AMELX: variants seen among roughly 807,000 people sequenced by gnomAD.
The protein encoded by AMELX is amelogenin X-linked.
Under a neutral mutation model 15.8 loss-of-function variants are expected in AMELX, and 9 were observed. That is an observed-to-expected ratio of 0.57 (90% CI 0.34 to 0.99). AMELX has a LOEUF of 0.99. AMELX is among the 50% of genes least tolerant of loss of function. The pLI is 0.02. For missense variants in AMELX, 107 were observed against 156.2 expected (o/e 0.68, Z 1.68); for synonymous variants, 61 against 58.8 (o/e 1.04, Z -0.17).
At chrX:11,295,071 C>A (rs1172627211) in intron 2 of AMELX, among the ~76,000 whole-genome samples, 1 of 111,982 alleles carries the variant, frequency 8.9e-6, no homozygotes, top group Non-Finnish European at 1.9e-5. Flanking sequence ...CAGGACTCTG[C>A]ATTTTTATAA....
chrX:11,306,251 T>C, the AMELX span, among the ~76,000 whole-genome samples: 1 of 112,214 alleles, frequency 8.9e-6, no homozygotes, highest in African/African-American at 3.2e-5. Context: ...AGGGCTGGAG[T>C]GCACAGGCTC....
At chrX:11,304,512 G>A (rs886414548), downstream of AMELX, among the ~76,000 whole-genome samples, 12 of 110,514 alleles carry the variant, frequency 1.1e-4, no homozygotes, top group African/African-American at 4.0e-4. Flanking sequence ...ACTGTTCTTT[G>A]CTGCCTCCAA....
chrX:11,298,412 G>A, intron 4 of AMELX, 135 bp downstream of exon 4: 2 of 1,122,045 alleles, frequency 1.8e-6, no homozygotes, highest in East Asian at 3.0e-5. Context: ...TCATATCTGT[G>A]TACACAGTTA....
At chrX:11,294,884 C>G in intron 2 of AMELX, 42 bp downstream of exon 2, 1 of 1,180,488 alleles carries the variant, frequency 8.5e-7, no homozygotes, top group Non-Finnish European at 1.2e-6. Context: ...TCCAATTTCA[C>G]AAACTTGGAC....
chrX:11,304,802 T>G (rs1296781485), downstream of AMELX, among the ~76,000 whole-genome samples: 2 of 90,026 alleles, frequency 2.2e-5, no homozygotes. Flanking sequence ...TTTTTTTTTT[T>G]TTTGAGATGG....
At position 11,300,678 on chromosome X, in the gene AMELX, G is replaced by T; in HGVS notation, c.*66G>T. ...TTCAGGAGTGACACAAGAACACAAT[G>T]ATTTTTGCTTATAATCACTTTACTT... On this transcript the variant is annotated 3_prime_UTR_variant, in exon 6 of 6. Coordinates refer to ENST00000380714, the MANE Select transcript of AMELX (RefSeq NM_001142.2). The T allele has an allele frequency of 4.7e-6, 5 of 1,068,571 alleles. No homozygotes were observed. The highest frequency in any genetic ancestry group is 4.1e-5 in the South Asian group (2 of 49,156). The allele number at this position is 1,068,571 out of a possible 1,213,427, so 88.1% of individuals were successfully genotyped here.
Position 11,300,732 on chromosome X carries a change from T to C in AMELX, c.*120T>C, listed in dbSNP as rs775957398. 2 of 671,795 alleles carry C rather than the reference T, an allele frequency of 3.0e-6. No individual in the cohort carries two copies. The highest frequency in any genetic ancestry group is 4.7e-6 in the Non-Finnish European group (2 of 425,651). 55.4% of individuals were successfully genotyped at this position (671,795 alleles called of 1,213,427 possible). ...AAATTCTGTAACTAAAAAAGTACCA[T>C]TAGCAGACAATAAAATGCATTAAAA... On this transcript the variant is annotated 3_prime_UTR_variant, in exon 6 of 6. Transcript: ENST00000380714.
the AMELX span, among the ~76,000 whole-genome samples, chrX:11,306,044 T>A: frequency 3.6e-5 from 4 of 111,406 alleles, no homozygotes; most frequent in Non-Finnish European, 5.7e-5. Context: ...ATCCCAAACA[T>A]CCGGGAGCAG....
rs969068868 is a variant in AMELX, at chrX:11,300,726, G to C, written c.*114G>C. 6 of 723,585 alleles carry C rather than the reference G, an allele frequency of 8.3e-6. No individual in the cohort carries two copies. In the African/African-American group the frequency reaches 1.1e-4, roughly 13 times the overall value. The allele number at this position is 723,585 out of a possible 1,213,427, so 59.6% of individuals were successfully genotyped here. On this transcript the variant is annotated 3_prime_UTR_variant, in exon 6 of 6. Transcript: ENST00000380714. ...CTTAGCAAATTCTGTAACTAAAAAAGTACCATTAGCAGACAATAAAATGCA... is the reference window on the plus strand; with the variant it reads ...CTTAGCAAATTCTGTAACTAAAAAACTACCATTAGCAGACAATAAAATGCA...
At chrX:11,302,046 T>G (rs1391137152), downstream of AMELX, among the ~76,000 whole-genome samples, 1 of 112,443 alleles carries the variant, frequency 8.9e-6, no homozygotes, top group Non-Finnish European at 1.9e-5. Context: ...ATACATTAAC[T>G]GGTAATTATA....
chrX:11,301,579 T>G, downstream of AMELX, among the ~76,000 whole-genome samples: 1 of 112,045 alleles, frequency 8.9e-6, no homozygotes, highest in Non-Finnish European at 1.9e-5. Context: ...AAACATAACT[T>G]TATTGGGAGG....
chrX:11,303,457 T>C (rs148658132), downstream of AMELX, among the ~76,000 whole-genome samples: 42 of 111,935 alleles, frequency 3.8e-4, no homozygotes, highest in African/African-American at 1.3e-3. Flanking sequence ...TCATTTGGGT[T>C]CGAAACATTT....
downstream of AMELX, among the ~76,000 whole-genome samples, chrX:11,305,512 G>C (rs953878050): frequency 3.6e-5 from 4 of 112,317 alleles, no homozygotes; most frequent in African/African-American, 1.3e-4. Context: ...TGAGTTAATT[G>C]TTCCTGCTTG....
downstream of AMELX, among the ~76,000 whole-genome samples, chrX:11,302,026 A>G (rs1192759252): frequency 8.9e-6 from 1 of 112,483 alleles, no homozygotes; most frequent in East Asian, 2.8e-4. Flanking sequence ...GAATGTTTCA[A>G]ACCAGAGACA....
At chrX:11,303,483 A>G (rs2048196883), downstream of AMELX, among the ~76,000 whole-genome samples, 1 of 112,198 alleles carries the variant, frequency 8.9e-6, no homozygotes, top group African/African-American at 3.2e-5. Flanking sequence ...AATAAATCAC[A>G]CTTGAATCCT....
intron 1 of AMELX, among the ~76,000 whole-genome samples, chrX:11,293,784 T>C (rs1029390450): frequency 1.8e-5 from 2 of 112,336 alleles, no homozygotes; most frequent in African/African-American, 6.5e-5. Context: ...TTGAAAAGCT[T>C]TTTATTTAAT....
Position 11,296,304 on chromosome X carries a change from C to T in AMELX, c.55-475C>T, listed in dbSNP as rs189693213. On this transcript the variant is annotated intron_variant, in intron 2 of 5. Transcript: ENST00000380714. ...GACCACCTCCTGATCTACAAGGGAACATTCGTGAGACAATTCTCTCCTTGT... is the reference window on the plus strand; with the variant it reads ...GACCACCTCCTGATCTACAAGGGAATATTCGTGAGACAATTCTCTCCTTGT... 1.1e-3 allele frequency among the ~76,000 whole-genome samples: 128 copies of T among 112,270 alleles called. 1 individual carries two copies. The highest frequency in any genetic ancestry group is 3.9e-3 in the African/African-American group (121 of 30,902).
rs1272023895 is a variant in AMELX at position 11,298,462 on chromosome X, A to C, written c.145-86A>C. The C allele has an allele frequency of 2.6e-6, 3 of 1,168,819 alleles. No homozygotes were observed. The African/African-American group carries it at 5.3e-5, about 21-fold the overall frequency. ...GGAAAAATGAATAAAATATTCCTAT[A>C]GCCATAATGGCAAAGAAAACACTGC... is the stretch of plus-strand genomic sequence containing the variant. On this transcript the variant is annotated intron_variant, in intron 4 of 5. Transcript: ENST00000380714.
intron 5 of AMELX, among the ~76,000 whole-genome samples, chrX:11,300,282 A>G (rs567839235): frequency 2.7e-5 from 3 of 111,908 alleles, no homozygotes; most frequent in African/African-American, 9.7e-5. Flanking sequence ...ATAAACATTG[A>G]TAGTTTCTTA....
Sources: allele counts gnomAD v4.1 joint callset (sites outside exome capture counted in the v4.1 genomes callset), GRCh38; gene constraint gnomAD v4.1.1; transcripts MANE v1.5; gene names NCBI Gene and HGNC (gene_info 2026-07-23, HGNC 2026-07-21).